Variants in RAPGEF1 observed in about 807,000 individuals in gnomAD.
RAPGEF1 encodes Rap guanine nucleotide exchange factor 1, also known as CRK SH3-binding GNRP.
RAPGEF1 carries 33 observed loss-of-function variants against 143.3 expected under a neutral mutation model. That is an observed-to-expected ratio of 0.23 (90% CI 0.17 to 0.31). The LOEUF is 0.31. Among genes scored for constraint, RAPGEF1 ranks in the 10% least tolerant of loss-of-function variants. The probability of loss-of-function intolerance (pLI) is 1.00; values close to 1 mark genes in which losing one functional copy is unlikely to be tolerated. For synonymous variants in RAPGEF1, 629 were observed against 676.5 expected (o/e 0.93, Z 1.09); for missense variants, 1,199 against 1,645.4 (o/e 0.73, Z 4.69).
chr9:131,716,948 C>T (rs1374061590), intron 1 of RAPGEF1, among the ~76,000 whole-genome samples: 1 of 152,184 alleles, frequency 6.6e-6, no homozygotes, highest in Admixed American at 6.5e-5. Flanking sequence ...CGTGCACCTG[C>T]CTGCCTGCAC....
Position 131,626,038 on chromosome 9 carries a change from G to A in RAPGEF1, c.1586C>T (p.Pro529Leu), listed in dbSNP as rs1266991920. ...VPYAPFAAIL[P>L]FQHGGSSAPV... Reference sequence around the variant, plus strand: ...GGCTGAGGAACCTCCATGCTGAAAGGGCAGAATAGCAGCAAAGGGCGCGTA... The same window carrying A: ...GGCTGAGGAACCTCCATGCTGAAAGAGCAGAATAGCAGCAAAGGGCGCGTA... Residue 529 changes from proline (P) to leucine (L), a missense_variant, in exon 10 of 27, where the codon CCC (proline) becomes CTC (leucine). Around this residue, in one of 6 missense-constraint regions of RAPGEF1, gnomAD observed 613 missense variants for 710.9 expected, o/e 0.86. Transcript: ENST00000683357. The A allele has an allele frequency of 1.2e-6, 2 of 1,613,118 alleles. No homozygotes were observed. Among genetic ancestry groups the A allele is most frequent in the Non-Finnish European group, 1.7e-6 (2 of 1,179,244 alleles).
intron 5 of RAPGEF1, among the ~76,000 whole-genome samples, chr9:131,634,056 G>A (rs1243800712): frequency 6.6e-6 from 1 of 152,200 alleles, no homozygotes; most frequent in Non-Finnish European, 1.5e-5. Context: ...GAGCCCAGGA[G>A]TTCAAAACCA....
chr9:131,598,419 G>T, intron 15 of RAPGEF1, 109 bp from the exon 16 acceptor site: 1 of 852,866 alleles, frequency 1.2e-6, no homozygotes, highest in Non-Finnish European at 1.9e-6. Flanking sequence ...CCCGGAACAT[G>T]CCTGCCCCGA....
At position 131,596,392 on chromosome 9, in the gene RAPGEF1, A is replaced by G. The variant is rs990679704; in HGVS notation, c.2614-19T>C. ...CATCACCCTGTAATGAACACAGCCA[A>G]GGAAGGTATGAGGCAGAGTATGCCC... On this transcript the variant is annotated intron_variant, in intron 16 of 26. Coordinates refer to ENST00000683357, the MANE Select transcript of RAPGEF1 (RefSeq NM_001377935.1). The G allele has an allele frequency of 1.9e-6, 3 of 1,613,512 alleles. No homozygotes were observed. In the African/African-American group the frequency reaches 4.0e-5, roughly 22 times the overall value.
At chr9:131,636,645 T>C (rs1020313130) in intron 5 of RAPGEF1, among the ~76,000 whole-genome samples, 4 of 152,214 alleles carry the variant, frequency 2.6e-5, no homozygotes, top group Non-Finnish European at 1.5e-5. Context: ...CTTAACAATG[T>C]TACCTGAAGA....
At chr9:131,629,431 G>A (rs1964243711) in intron 6 of RAPGEF1, among the ~76,000 whole-genome samples, 177 bp from the exon 7 acceptor site, 1 of 152,134 alleles carries the variant, frequency 6.6e-6, no homozygotes, top group Non-Finnish European at 1.5e-5. Context: ...ATGAGCTACT[G>A]GAGCTTGGCT....
Position 131,641,990 on chromosome 9 carries a change from G to T in RAPGEF1, c.494+1249C>A, listed in dbSNP as rs1968137483. Among the ~76,000 whole-genome samples the T allele has an allele frequency of 6.6e-6, 1 of 152,236 alleles. No homozygotes were observed. Reference sequence around the variant, plus strand: ...GTTCATAAAAGCTTAGCCTCATGGGGCTAAATGAACACTAAGTCATCTTGC... The same window carrying T: ...GTTCATAAAAGCTTAGCCTCATGGGTCTAAATGAACACTAAGTCATCTTGC... On this transcript the variant is annotated intron_variant, in intron 4 of 26. Coordinates refer to ENST00000683357, the MANE Select transcript of RAPGEF1 (RefSeq NM_001377935.1). The surrounding 1 kb of genome is among the most constrained non-coding windows in gnomAD (Gnocchi z 4.6).
rs2130687713 is a variant in RAPGEF1 at position 131,667,292 on chromosome 9, A to T, written c.62-16343T>A. ...AGGTGTGAGCCACTGCGCCCAGCCA[A>T]GGCATTCTTATTACCACTCAACAGA... On this transcript the variant is annotated intron_variant, in intron 1 of 26. Transcript: ENST00000683357. The surrounding 1 kb of genome is among the most constrained non-coding windows in gnomAD (Gnocchi z 4.6). Among the ~76,000 whole-genome samples the T allele has an allele frequency of 6.6e-6, 1 of 152,156 alleles. No individual in the cohort carries two copies. The highest frequency in any genetic ancestry group is 2.4e-5 in the African/African-American group (1 of 41,516).
chr9:131,634,016 C>T (rs912642426), intron 5 of RAPGEF1, among the ~76,000 whole-genome samples: 3 of 152,186 alleles, frequency 2.0e-5, no homozygotes, highest in Non-Finnish European at 4.4e-5. Context: ...AATCCTAGCA[C>T]TTTGTGAGGC....
At chr9:131,709,927 C>G in intron 1 of RAPGEF1, 2 of 985,420 alleles carry the variant, frequency 2.0e-6, no homozygotes, top group Non-Finnish European at 2.4e-6. Flanking sequence ...ATCGCCCTAC[C>G]GGTGCCTCTC....
chr9:131,580,923 T>C (rs34466733), intron 25 of RAPGEF1, among the ~76,000 whole-genome samples: 29,688 of 151,914 alleles, frequency 0.2, 3,910 homozygotes, highest in African/African-American at 0.37. Context: ...GGTGGGAGGA[T>C]CACCTGAGGT....
At position 131,737,568 on chromosome 9, in the gene RAPGEF1, G is replaced by A. The variant is rs577538168; in HGVS notation, c.61+2202C>T. 102 of 1,568,340 alleles carry A rather than the reference G, an allele frequency of 6.5e-5. No homozygotes were observed. The African/African-American group carries it at 1.2e-3, about 18-fold the overall frequency. On this transcript the variant is annotated intron_variant, in intron 1 of 26. Transcript: ENST00000683357. ...AGGACAAACTATGCTGAAATGAACT[G>A]GCCTCAGGTCTTTCTCCCAAATAGC...
chr9:131,603,023 G>A (rs1488484687), intron 14 of RAPGEF1, among the ~76,000 whole-genome samples: 1 of 152,230 alleles, frequency 6.6e-6, no homozygotes, highest in African/African-American at 2.4e-5. Flanking sequence ...GGTGCCAGAT[G>A]CACATGTCAG....
At chr9:131,726,881 G>A (rs531840432) in intron 1 of RAPGEF1, among the ~76,000 whole-genome samples, 1 of 152,208 alleles carries the variant, frequency 6.6e-6, no homozygotes, top group Admixed American at 6.5e-5. Context: ...GTACGCACCT[G>A]TAGTCCCAGC....
Position 131,714,797 on chromosome 9 carries a change from T to A in RAPGEF1, c.61+24973A>T, listed in dbSNP as rs568734666. ...ATCACAGCTCACTGCAGCCTCCAAC[T>A]GCTGGGCTCAAGCAATCCTCCTGTC... On this transcript the variant is annotated intron_variant, in intron 1 of 26. Coordinates refer to ENST00000683357, the MANE Select transcript of RAPGEF1 (RefSeq NM_001377935.1). Among the ~76,000 whole-genome samples the A allele has an allele frequency of 4.6e-5, 7 of 150,686 alleles. No homozygotes were observed. In the South Asian group the frequency reaches 1.1e-3, roughly 23 times the overall value.
chr9:131,631,210 G>T (rs979917724), intron 5 of RAPGEF1, among the ~76,000 whole-genome samples: 2 of 152,138 alleles, frequency 1.3e-5, no homozygotes, highest in African/African-American at 4.8e-5. Context: ...TAACTCATAT[G>T]CCATTAAATT....
chr9:131,700,775 T>C (rs1439785110), intron 1 of RAPGEF1, among the ~76,000 whole-genome samples: 1 of 152,182 alleles, frequency 6.6e-6, no homozygotes, highest in Non-Finnish European at 1.5e-5. Flanking sequence ...GATGGAGACC[T>C]GAATGTGTGT....
intron 1 of RAPGEF1, among the ~76,000 whole-genome samples, chr9:131,733,577 T>A (rs1424367528): frequency 1.3e-5 from 2 of 152,164 alleles, no homozygotes. Flanking sequence ...GACAGATCCC[T>A]TAATAATTCA....
Position 131,650,356 on chromosome 9 carries a change from G to C in RAPGEF1, c.202-114C>G, listed in dbSNP as rs893187478. ...CAACATATCTGGCTTGACTGGCCCT[G>C]CTGAGGCCACTAACTCTTGAGGACA... On this transcript the variant is annotated intron_variant, in intron 2 of 26. Transcript: ENST00000683357. This position sits in a 1 kb window ranked among gnomAD's most constrained non-coding sequence, Gnocchi z 4.7. 1.1e-5 allele frequency: 8 copies of C among 737,032 alleles called. No homozygotes were observed. Among genetic ancestry groups the C allele is most frequent in the East Asian group, 2.7e-5 (1 of 37,186 alleles). The allele number at this position is 737,032 out of a possible 1,614,324, so 45.7% of individuals were successfully genotyped here.
Sources: allele counts gnomAD v4.1 joint callset (sites outside exome capture counted in the v4.1 genomes callset), GRCh38; gene constraint gnomAD v4.1.1; regional missense constraint gnomAD v4.1.1; non-coding constraint Gnocchi (gnomAD v3.1); transcripts MANE v1.5; gene names NCBI Gene and HGNC (gene_info 2026-07-23, HGNC 2026-07-21).